Variants in LRRC37A2 observed in about 807,000 individuals in gnomAD.
LRRC37A2 encodes leucine-rich repeat-containing protein 37A2.
A neutral mutation model predicts 68.8 loss-of-function variants in LRRC37A2; 9 were observed. The observed-to-expected ratio is 0.13, with a 90% CI of 0.08 to 0.23. The LOEUF (loss-of-function observed/expected upper bound fraction) is 0.23, where lower values mean the gene tolerates loss of function less well. Among genes scored for constraint, LRRC37A2 ranks in the 10% least tolerant of loss-of-function variants. The probability of loss-of-function intolerance (pLI) is 1.00; values close to 1 mark genes in which losing one functional copy is unlikely to be tolerated. For synonymous variants in LRRC37A2, 63 were observed against 367.6 expected, an observed-to-expected ratio of 0.17 and a Z score of 9.48; for missense variants, 168 against 950.4, an observed-to-expected ratio of 0.18 and a Z score of 10.82.
chr17:46,741,626 C>G, the LRRC37A2 span, among the ~76,000 whole-genome samples: 1 of 151,966 alleles, frequency 6.6e-6, no homozygotes, highest in Admixed American at 6.6e-5. Context: ...GGCATTTAAA[C>G]AAGAGAAATC....
the LRRC37A2 span, among the ~76,000 whole-genome samples, chr17:46,841,050 G>T: frequency 6.6e-6 from 1 of 152,210 alleles, no homozygotes; most frequent in Non-Finnish European, 1.5e-5. Flanking sequence ...CTTCCAACAG[G>T]AGGCAGAGGG....
chr17:46,904,408 G>A, the LRRC37A2 span, among the ~76,000 whole-genome samples: 4 of 151,168 alleles, frequency 2.6e-5, no homozygotes, highest in Admixed American at 2.0e-4. Flanking sequence ...ATGGATGGAT[G>A]GGTTGGTGGG....
chr17:46,958,944 C>T, the LRRC37A2 span, among the ~76,000 whole-genome samples: 2 of 152,214 alleles, frequency 1.3e-5, no homozygotes, highest in African/African-American at 2.4e-5. Flanking sequence ...GAGTGAATAG[C>T]ATGAGATGGG....
the LRRC37A2 span, among the ~76,000 whole-genome samples, chr17:46,496,625 A>ACC: frequency 8.3e-6 from 1 of 120,372 alleles, no homozygotes; most frequent in South Asian, 2.7e-4. Flanking sequence ...AAAAAACAAA[A>ACC]CAAAACAGGC....
chr17:47,014,648 A>T, the LRRC37A2 span, among the ~76,000 whole-genome samples: 1 of 151,674 alleles, frequency 6.6e-6, no homozygotes, highest in African/African-American at 2.4e-5. Flanking sequence ...TTGTGGACAC[A>T]GGAGAGGGGT....
the LRRC37A2 span, among the ~76,000 whole-genome samples, chr17:46,960,824 G>A: frequency 1.3e-5 from 2 of 152,190 alleles, no homozygotes; most frequent in African/African-American, 4.8e-5. Context: ...ACAAAGAACA[G>A]ATCAGTAGTT....
the LRRC37A2 span, among the ~76,000 whole-genome samples, chr17:46,499,065 A>G: frequency 6.7e-6 from 1 of 148,756 alleles, no homozygotes; most frequent in Non-Finnish European, 1.5e-5. Flanking sequence ...CTGTAATCCC[A>G]GCACTTTGGG....
chr17:46,876,676 G>A, the LRRC37A2 span: 2 of 1,588,334 alleles, frequency 1.3e-6, no homozygotes, highest in Non-Finnish European at 1.7e-6. Flanking sequence ...TGGAGTGCCA[G>A]CAATGTGTGC....
chr17:46,941,248 C>T, the LRRC37A2 span: 1 of 992,062 alleles, frequency 1.0e-6, no homozygotes, highest in Non-Finnish European at 1.2e-6. Context: ...CTGCGGAGTT[C>T]TGTACACCCT....
At chr17:47,030,087 T>TC in the LRRC37A2 span, among the ~76,000 whole-genome samples, 19 of 39,426 alleles carry the variant, frequency 4.8e-4, no homozygotes, top group African/African-American at 1.3e-3. Flanking sequence ...ATAATAATAA[T>TC]AATCATCATC....
chr17:46,750,695 T>A, the LRRC37A2 span, among the ~76,000 whole-genome samples: 1 of 152,214 alleles, frequency 6.6e-6, no homozygotes, highest in Non-Finnish European at 1.5e-5. Flanking sequence ...ATGAGTGATG[T>A]ATATAGATTA....
chr17:46,891,913 C>CTTTTCTTTTTTTTTTTTTTTTTTT, the LRRC37A2 span, among the ~76,000 whole-genome samples: 1 of 117,306 alleles, frequency 8.5e-6, no homozygotes, highest in Non-Finnish European at 1.7e-5. Context: ...CTTTTCTTTT[C>CTTTTCTTTTTTTTTTTTTTTTTTT]TTTTCTTTTT....
the LRRC37A2 span, among the ~76,000 whole-genome samples, chr17:46,896,136 C>CA: frequency 1.4e-4 from 21 of 151,098 alleles, no homozygotes; most frequent in African/African-American, 3.6e-4. Context: ...AAAGAAAAAA[C>CA]AAAAAAAATT....
At chr17:46,977,160 C>G in the LRRC37A2 span, among the ~76,000 whole-genome samples, 1 of 152,164 alleles carries the variant, frequency 6.6e-6, no homozygotes, top group Non-Finnish European at 1.5e-5. Flanking sequence ...CCCACCTGTG[C>G]CAAGCCTCTC....
chr17:46,820,483 G>A, the LRRC37A2 span, among the ~76,000 whole-genome samples: 1 of 152,178 alleles, frequency 6.6e-6, no homozygotes, highest in Non-Finnish European at 1.5e-5. Flanking sequence ...AAGGGGCAGG[G>A]GGGAGGCGGA....
the LRRC37A2 span, among the ~76,000 whole-genome samples, chr17:47,007,264 G>A: frequency 1.3e-5 from 2 of 151,990 alleles, no homozygotes; most frequent in Non-Finnish European, 2.9e-5. Context: ...TGCAACCTCC[G>A]CCTCCTGGGT....
chr17:46,746,334 G>A, the LRRC37A2 span, among the ~76,000 whole-genome samples: 5 of 152,068 alleles, frequency 3.3e-5, no homozygotes, highest in African/African-American at 1.2e-4. Context: ...TTGTTTCTTT[G>A]ATCTGCATTG....
chr17:46,806,738 G>T, the LRRC37A2 span, among the ~76,000 whole-genome samples: 1 of 152,250 alleles, frequency 6.6e-6, no homozygotes. Flanking sequence ...CACATGTGTT[G>T]CCCAAGGGCA....
At chr17:46,389,221 G>A in the LRRC37A2 span, among the ~76,000 whole-genome samples, 2 of 151,858 alleles carry the variant, frequency 1.3e-5, no homozygotes, top group East Asian at 3.9e-4. Flanking sequence ...ATAAATAAAA[G>A]CAAGCAAACA....
Sources: gnomAD v4.1 joint callset for allele counts (sites outside exome capture counted in the v4.1 genomes callset) on GRCh38, gnomAD v4.1.1 for gene constraint, MANE v1.5 for transcripts, NCBI Gene and HGNC (gene_info 2026-07-23, HGNC 2026-07-21) for gene names.